Variants in RBM47 observed in about 807,000 individuals in gnomAD.
The protein encoded by RBM47 is RNA binding motif protein 47.
A neutral mutation model predicts 47.1 loss-of-function variants in RBM47; 21 were observed. The observed-to-expected ratio is 0.45, with a 90% confidence interval of 0.32 to 0.64. The LOEUF (loss-of-function observed/expected upper bound fraction) is 0.64, where lower values mean the gene tolerates loss of function less well. Among genes scored for constraint, RBM47 ranks in the 30% least tolerant of loss-of-function variants. The pLI is 0.05. For missense variants in RBM47, 708 were observed against 870.9 expected (o/e 0.81, Z 2.35); for synonymous variants, 375 against 361.7 (o/e 1.04, Z -0.42).
intron 5 of RBM47, among the ~76,000 whole-genome samples, chr4:40,434,882 T>C (rs1712078869): frequency 6.6e-6 from 1 of 152,038 alleles, no homozygotes; most frequent in South Asian, 2.1e-4. Flanking sequence ...AAAATCAGAG[T>C]AGCTGGGCTC....
At chr4:40,523,863 C>CAAAAAA (rs34640118) in intron 2 of RBM47, among the ~76,000 whole-genome samples, 1 of 133,152 alleles carries the variant, frequency 7.5e-6, no homozygotes. Flanking sequence ...AGCCCTGTCT[C>CAAAAAA]AAAAAAAAAA....
chr4:40,432,418 T>C (rs528500617), intron 6 of RBM47, among the ~76,000 whole-genome samples: 7 of 152,298 alleles, frequency 4.6e-5, no homozygotes, highest in Admixed American at 3.9e-4. Context: ...AAATTACACA[T>C]AATTTTTGCA....
chr4:40,575,333 C>T (rs1440334541), intron 1 of RBM47, among the ~76,000 whole-genome samples: 1 of 152,064 alleles, frequency 6.6e-6, no homozygotes, highest in East Asian at 1.9e-4. Flanking sequence ...AGGCGGATCA[C>T]CTGAGGTCAG....
intron 1 of RBM47, among the ~76,000 whole-genome samples, chr4:40,554,376 G>GA (rs1452293643): frequency 1.0e-5 from 1 of 99,360 alleles, no homozygotes; most frequent in Non-Finnish European, 2.0e-5. Flanking sequence ...AAATACCTAG[G>GA]AAAAAAGTGG....
At chr4:40,552,266 C>T (rs1317246284) in intron 1 of RBM47, among the ~76,000 whole-genome samples, 3 of 151,764 alleles carry the variant, frequency 2.0e-5, no homozygotes, top group Admixed American at 6.6e-5. Flanking sequence ...GGCATGGTGG[C>T]GGGCACCTGT....
chr4:40,460,913 A>G (rs1394528131), intron 3 of RBM47, among the ~76,000 whole-genome samples: 2 of 147,976 alleles, frequency 1.4e-5, no homozygotes, highest in Non-Finnish European at 3.0e-5. Context: ...AAAAAAAGAT[A>G]CTTATTAAAA....
chr4:40,620,376 G>GCT (rs1737159467), intron 1 of RBM47, among the ~76,000 whole-genome samples: 1 of 150,718 alleles, frequency 6.6e-6, no homozygotes. Flanking sequence ...ATGGTGGCAG[G>GCT]CGCCTGTAAT....
At chr4:40,556,130 G>A (rs111951907) in intron 1 of RBM47, among the ~76,000 whole-genome samples, 22,771 of 151,208 alleles carry the variant, frequency 0.15, 1,768 homozygotes, top group Admixed American at 0.17. Flanking sequence ...CTGCCTCCTG[G>A]GTTCAAGCAG....
intron 1 of RBM47, among the ~76,000 whole-genome samples, chr4:40,618,117 C>T (rs1240430393): frequency 1.3e-5 from 2 of 151,934 alleles, no homozygotes; most frequent in Non-Finnish European, 2.9e-5. Context: ...TGATGCACAC[C>T]CGTAATCCCA....
At position 40,621,593 on chromosome 4, in the gene RBM47, G is replaced by A. The variant is rs561324087; in HGVS notation, c.-240+7803C>T. 3.7e-4 allele frequency among the ~76,000 whole-genome samples: 56 copies of A among 152,340 alleles called. No individual in the cohort carries two copies. In the East Asian group the frequency reaches 8.9e-3, roughly 24 times the overall value. On this transcript the variant is annotated intron_variant, in intron 1 of 6. Coordinates refer to ENST00000295971, the MANE Select transcript of RBM47 (RefSeq NM_001098634.2). Reference sequence around the variant, plus strand: ...CTTGTGGAAACCTCAAAGGTGAAAAGAGATAGTTAAGAAAATTTGTCTTGA... The same window carrying A: ...CTTGTGGAAACCTCAAAGGTGAAAAAAGATAGTTAAGAAAATTTGTCTTGA...
intron 2 of RBM47, among the ~76,000 whole-genome samples, chr4:40,490,933 A>G (rs562491132): frequency 6.6e-6 from 1 of 152,326 alleles, no homozygotes; most frequent in African/African-American, 2.4e-5. Context: ...AAATTCCTAC[A>G]GAAATTCAAG....
At chr4:40,600,356 C>T (rs527681880) in intron 1 of RBM47, among the ~76,000 whole-genome samples, 163 of 151,924 alleles carry the variant, frequency 1.1e-3, no homozygotes, top group Non-Finnish European at 1.9e-3. Context: ...AAGCAGAGGC[C>T]GGGCGCGGTG....
chr4:40,504,628 G>A (rs1712401652), intron 2 of RBM47, among the ~76,000 whole-genome samples: 1 of 152,038 alleles, frequency 6.6e-6, no homozygotes. Context: ...TATTTGTGAG[G>A]TTGTAAACCA....
intron 6 of RBM47, among the ~76,000 whole-genome samples, chr4:40,431,822 T>C (rs144624141): frequency 2.0e-5 from 3 of 152,012 alleles, no homozygotes; most frequent in East Asian, 3.9e-4. Context: ...GTGGGAGATA[T>C]GGTTGGAAGA....
At chr4:40,450,290 T>G (rs1463613795) in intron 3 of RBM47, among the ~76,000 whole-genome samples, 1 of 152,192 alleles carries the variant, frequency 6.6e-6, no homozygotes, top group African/African-American at 2.4e-5. Context: ...TACAGTGTTT[T>G]GCAATTTATA....
At chr4:40,549,525 T>G (rs1348532363) in intron 1 of RBM47, among the ~76,000 whole-genome samples, 5 of 64,868 alleles carry the variant, frequency 7.7e-5, no homozygotes, top group African/African-American at 2.9e-4. Flanking sequence ...TGTTTGTTCG[T>G]TTTTTTTTTT....
chr4:40,572,826 T>G (rs1358541376), intron 1 of RBM47, among the ~76,000 whole-genome samples: 1 of 151,866 alleles, frequency 6.6e-6, no homozygotes, highest in East Asian at 1.9e-4. Flanking sequence ...TTTATTCATT[T>G]GAAAGTACAA....
intron 1 of RBM47, among the ~76,000 whole-genome samples, chr4:40,563,113 T>C (rs535437808): frequency 3.9e-5 from 6 of 152,160 alleles, no homozygotes; most frequent in Non-Finnish European, 7.3e-5. Flanking sequence ...ATCACTTGAA[T>C]CTGGGAGGCA....
intron 6 of RBM47, among the ~76,000 whole-genome samples, chr4:40,431,263 AGG>A (rs1173597069): frequency 6.6e-6 from 1 of 152,326 alleles, no homozygotes; most frequent in East Asian, 1.9e-4. Flanking sequence ...ACAAAGAAAC[AGG>A]ACACAGTCTT....
Sources: allele counts gnomAD v4.1 joint callset (sites outside exome capture counted in the v4.1 genomes callset), GRCh38; gene constraint gnomAD v4.1.1; transcripts MANE v1.5; gene names NCBI Gene and HGNC (gene_info 2026-07-23, HGNC 2026-07-21).